KCNQ5: variants seen among roughly 807,000 people sequenced by gnomAD.
KCNQ5 encodes potassium voltage-gated channel subfamily KQT member 5.
KCNQ5 carries 30 observed loss-of-function variants against 98.2 expected under a neutral mutation model. The observed-to-expected ratio is 0.31, with a 90% CI of 0.23 to 0.41. The LOEUF is 0.41. Ranked by LOEUF, KCNQ5 falls within the 10% of genes least tolerant of loss-of-function variation. The pLI, the probability that KCNQ5 is intolerant of heterozygous loss-of-function variation, is 1.00. For missense variants in KCNQ5, 835 were observed against 1,182.5 expected (o/e 0.71, Z 4.31); for synonymous variants, 458 against 449.4 (o/e 1.02, Z -0.24).
intron 1 of KCNQ5, among the ~76,000 whole-genome samples, chr6:72,685,169 T>C (rs1176228070): frequency 6.6e-6 from 1 of 152,234 alleles, no homozygotes; most frequent in African/African-American, 2.4e-5. Context: ...TTGTAAGTTC[T>C]ATTTTATCTA....
intron 1 of KCNQ5, among the ~76,000 whole-genome samples, chr6:72,960,383 AT>A (rs949655553): frequency 1.3e-5 from 2 of 148,598 alleles, no homozygotes; most frequent in East Asian, 2.0e-4. Context: ...TTCTATTTCT[AT>A]TTCAGTGTCC....
chr6:72,824,102 T>C (rs544653859), intron 1 of KCNQ5, among the ~76,000 whole-genome samples: 3 of 152,282 alleles, frequency 2.0e-5, no homozygotes, highest in Admixed American at 6.5e-5. Context: ...AAGAATAAAA[T>C]TAAACATTAG....
intron 1 of KCNQ5, among the ~76,000 whole-genome samples, chr6:72,921,400 T>G (rs1356548486): frequency 6.6e-6 from 1 of 152,166 alleles, no homozygotes; most frequent in East Asian, 1.9e-4. Context: ...ATGTTTGGCG[T>G]GAGTAGAAGA....
At chr6:72,824,765 C>G (rs1582362357) in intron 1 of KCNQ5, among the ~76,000 whole-genome samples, 1 of 151,516 alleles carries the variant, frequency 6.6e-6, no homozygotes, top group Non-Finnish European at 1.5e-5. Context: ...TTTAGTCTCT[C>G]TCTCTTTCTT....
At chr6:72,646,472 A>G (rs1001644819) in intron 1 of KCNQ5, among the ~76,000 whole-genome samples, 9 of 152,178 alleles carry the variant, frequency 5.9e-5, no homozygotes, top group African/African-American at 2.2e-4. Flanking sequence ...AACAGATTGT[A>G]GTTATTGCTG....
intron 1 of KCNQ5, among the ~76,000 whole-genome samples, chr6:72,638,377 T>C (rs983522226): frequency 1.3e-5 from 2 of 152,322 alleles, no homozygotes; most frequent in East Asian, 3.9e-4. Context: ...TGGGTCATGC[T>C]GCTGAGAGCT....
At chr6:72,997,926 C>T (rs139102227) in intron 1 of KCNQ5, among the ~76,000 whole-genome samples, 9 of 151,954 alleles carry the variant, frequency 5.9e-5, no homozygotes, top group African/African-American at 9.7e-5. Context: ...TCCAAATCAC[C>T]GTTAAAGACA....
chr6:72,744,539 G>T (rs182138423), intron 1 of KCNQ5, among the ~76,000 whole-genome samples: 6 of 152,136 alleles, frequency 3.9e-5, no homozygotes, highest in Non-Finnish European at 5.9e-5. Context: ...GGCCAGGCAC[G>T]GTGGCTCATG....
intron 3 of KCNQ5, among the ~76,000 whole-genome samples, chr6:73,042,483 A>G (rs1370534861): frequency 6.6e-6 from 1 of 152,200 alleles, no homozygotes; most frequent in South Asian, 2.1e-4. Flanking sequence ...TTGCTCTACA[A>G]TATGACACCA....
chr6:73,188,545 T>C (rs1163817546), intron 11 of KCNQ5, among the ~76,000 whole-genome samples: 3 of 152,202 alleles, frequency 2.0e-5, no homozygotes, highest in Non-Finnish European at 2.9e-5. Context: ...TTAGAGATCT[T>C]CTCTTTATCT....
intron 1 of KCNQ5, among the ~76,000 whole-genome samples, chr6:72,644,983 AG>A (rs1765513593): frequency 6.6e-6 from 1 of 152,138 alleles, no homozygotes; most frequent in African/African-American, 2.4e-5. Context: ...TTAGAACATG[AG>A]TTCTCAGGGT....
intron 1 of KCNQ5, among the ~76,000 whole-genome samples, chr6:72,829,194 C>A (rs1185667360): frequency 6.6e-6 from 1 of 152,096 alleles, no homozygotes; most frequent in African/African-American, 2.4e-5. Context: ...GTGTCCTGTT[C>A]TGCAGCAGGA....
intron 1 of KCNQ5, among the ~76,000 whole-genome samples, chr6:72,892,784 A>G (rs550287979): frequency 6.6e-6 from 1 of 152,024 alleles, no homozygotes; most frequent in South Asian, 2.1e-4. Context: ...TTCATAGCAG[A>G]AAGTATCAGT....
chr6:72,988,398 A>G (rs1283537383), intron 1 of KCNQ5, among the ~76,000 whole-genome samples: 1 of 152,172 alleles, frequency 6.6e-6, no homozygotes, highest in Non-Finnish European at 1.5e-5. Context: ...GCAAATTAGT[A>G]CAGGAACAAA....
chr6:72,982,338 C>A (rs1316067510), intron 1 of KCNQ5, among the ~76,000 whole-genome samples: 1 of 152,118 alleles, frequency 6.6e-6, no homozygotes, highest in African/African-American at 2.4e-5. Context: ...CTGGGTGCTC[C>A]TGTATTGGGT....
rs28551604 is a variant in KCNQ5 at position 72,987,808 on chromosome 6, C to A, written c.399-16100C>A. On this transcript the variant is annotated intron_variant, in intron 1 of 13. Coordinates refer to ENST00000370398, the MANE Select transcript of KCNQ5 (RefSeq NM_019842.4). ...AATTGCTTTGATTATCCCATTTATG[C>A]TGGAGATTACAAGTTTTTTTTGGTG... 1,358 of 386,792 alleles carry A rather than the reference C, an allele frequency of 3.5e-3. 16 individuals carry two copies. The highest frequency in any genetic ancestry group is 0.026 in the African/African-American group (1,262 of 47,624). 24.0% of individuals were successfully genotyped at this position (386,792 alleles called of 1,614,324 possible).
chr6:72,889,607 A>G (rs1313785065), intron 1 of KCNQ5, among the ~76,000 whole-genome samples: 1 of 152,202 alleles, frequency 6.6e-6, no homozygotes, highest in Non-Finnish European at 1.5e-5. Flanking sequence ...GTTTTATCTC[A>G]ATTCAGCAGC....
At chr6:72,721,659 A>G (rs1393709293) in intron 1 of KCNQ5, among the ~76,000 whole-genome samples, 1 of 152,200 alleles carries the variant, frequency 6.6e-6, no homozygotes, top group Admixed American at 6.5e-5. Flanking sequence ...CTGTGTTATA[A>G]CAAACACAAA....
At chr6:72,762,563 A>T (rs1772343307) in intron 1 of KCNQ5, among the ~76,000 whole-genome samples, 1 of 152,064 alleles carries the variant, frequency 6.6e-6, no homozygotes, top group Non-Finnish European at 1.5e-5. Context: ...ACACTGAAGG[A>T]TTTTGAAAAC....
Sources: gnomAD v4.1 joint callset for allele counts (sites outside exome capture counted in the v4.1 genomes callset) on GRCh38, gnomAD v4.1.1 for gene constraint, MANE v1.5 for transcripts, NCBI Gene and HGNC (gene_info 2026-07-23, HGNC 2026-07-21) for gene names.